AVL9: variants seen among roughly 807,000 people sequenced by gnomAD.
AVL9 encodes the protein AVL9 cell migration associated.
Under a neutral mutation model 79.2 loss-of-function variants are expected in AVL9, and 49 were observed. The ratio of observed to expected loss-of-function variants is 0.62; its 90% CI spans 0.49 to 0.79. The LOEUF (loss-of-function observed/expected upper bound fraction) is 0.79, where lower values mean the gene tolerates loss of function less well. AVL9 is among the 30% of genes least tolerant of loss of function. The pLI, the probability that AVL9 is intolerant of heterozygous loss-of-function variation, is 0.00. For missense variants in AVL9, 682 were observed against 776.8 expected, an observed-to-expected ratio of 0.88 and a Z score of 1.45; for synonymous variants, 299 against 280.6, an observed-to-expected ratio of 1.07 and a Z score of -0.65.
At chr7:32,571,770 G>T (rs1790855522) in intron 11 of AVL9, among the ~76,000 whole-genome samples, 1 of 151,986 alleles carries the variant, frequency 6.6e-6, no homozygotes, top group African/African-American at 2.4e-5. Flanking sequence ...TCTGTAGTTG[G>T]TTGGTGGGTG....
intron 1 of AVL9, among the ~76,000 whole-genome samples, chr7:32,529,313 C>G (rs1289864300): frequency 6.6e-6 from 1 of 152,154 alleles, no homozygotes; most frequent in African/African-American, 2.4e-5. Flanking sequence ...AGAGGGGACC[C>G]CCCTATCACG....
intron 10 of AVL9, among the ~76,000 whole-genome samples, chr7:32,564,970 G>A (rs942903779): frequency 4.6e-5 from 7 of 152,174 alleles, no homozygotes; most frequent in African/African-American, 1.7e-4. Flanking sequence ...AAAAGATAAC[G>A]AGGAAGATAC....
rs1789147777 is a variant in AVL9, at chr7:32,540,824, A to G, written c.94-2317A>G. Among the ~76,000 whole-genome samples the G allele has an allele frequency of 2.0e-5, 3 of 148,294 alleles. No homozygotes were observed. The Admixed American group carries it at 2.1e-4, about 10-fold the overall frequency. On this transcript the variant is annotated intron_variant, in intron 1 of 15. Coordinates refer to ENST00000318709, the MANE Select transcript of AVL9 (RefSeq NM_015060.3). Reference sequence around the variant, plus strand: ...AGATGGGTAAAAATTATATTAATTCAAATTGCATTTCCATGATTAAAAATG... The same window carrying G: ...AGATGGGTAAAAATTATATTAATTCGAATTGCATTTCCATGATTAAAAATG...
intron 1 of AVL9, among the ~76,000 whole-genome samples, chr7:32,518,033 G>T (rs1787984813): frequency 6.6e-6 from 1 of 151,694 alleles, no homozygotes; most frequent in East Asian, 1.9e-4. Context: ...GTTTCACCAT[G>T]TTGGCCAGGC....
intron 1 of AVL9, among the ~76,000 whole-genome samples, chr7:32,496,349 T>C (rs1410480372): frequency 6.6e-6 from 1 of 152,214 alleles, no homozygotes; most frequent in African/African-American, 2.4e-5. Flanking sequence ...TCGATTGACT[T>C]TGCCTCCCCC....
Position 32,585,127 on chromosome 7 carries a change from AGTCT to A in AVL9, c.*1221_*1224del, listed in dbSNP as rs1791716990. 6.6e-6 allele frequency: 1 copy of A among 152,116 alleles called. No individual in the cohort carries two copies. Among genetic ancestry groups the A allele is most frequent in the African/African-American group, 2.4e-5 (1 of 41,428 alleles). The allele number at this position is 152,116 out of a possible 1,614,324, so 9.4% of individuals were successfully genotyped here. A position where few individuals can be genotyped will look rare whatever the true frequency, so the allele number is the denominator to read the frequency against. ...TTTGCAGACCTACAGCTTTTCTCGT[AGTCT>A]TATTCATAAAGCTTTTCAAAGCACT... is the stretch of plus-strand genomic sequence containing the variant. On this transcript the variant is annotated 3_prime_UTR_variant, in exon 16 of 16. Transcript: ENST00000318709.
chr7:32,498,595 T>TTA (rs919426046), intron 1 of AVL9, among the ~76,000 whole-genome samples: 8 of 151,940 alleles, frequency 5.3e-5, no homozygotes, highest in Admixed American at 2.0e-4. Flanking sequence ...TCTATTAACT[T>TTA]TATCACTTGA....
chr7:32,582,743 T>A (rs930950947), intron 15 of AVL9, among the ~76,000 whole-genome samples: 1 of 152,040 alleles, frequency 6.6e-6, no homozygotes, highest in African/African-American at 2.4e-5. Flanking sequence ...TGAAGTGCAA[T>A]ATGGTGCGAT....
At chr7:32,580,169 C>A in intron 13 of AVL9, 50 bp from the exon 14 acceptor site, 1 of 1,421,366 alleles carries the variant, frequency 7.0e-7, no homozygotes, top group Non-Finnish European at 9.9e-7. Context: ...ACTCTTTTTG[C>A]AGCCTTTTTG....
rs1472375855 is a variant in AVL9, at chr7:32,511,000, G to A, written c.93+15198G>A. 2.5e-3 allele frequency among the ~76,000 whole-genome samples: 197 copies of A among 80,382 alleles called. 1 individual carries two copies. The highest frequency in any genetic ancestry group is 0.011 in the Middle Eastern group (1 of 88). 52.7% of individuals were successfully genotyped at this position (80,382 alleles called of 152,430 possible). On this transcript the variant is annotated intron_variant, in intron 1 of 15. Coordinates refer to ENST00000318709, the MANE Select transcript of AVL9 (RefSeq NM_015060.3). ...AATCCTGGCACTTCTGAACTGCCCC[G>A]GTATGAGGGAAACCATCTCCCCAGG...
chr7:32,581,966 C>T (rs1791529539), intron 15 of AVL9, among the ~76,000 whole-genome samples: 1 of 152,176 alleles, frequency 6.6e-6, no homozygotes, highest in African/African-American at 2.4e-5. Context: ...TAAGGTAATA[C>T]TCCCCAACTC....
At chr7:32,546,110 T>C (rs1789491557) in intron 3 of AVL9, among the ~76,000 whole-genome samples, 1 of 148,214 alleles carries the variant, frequency 6.7e-6, no homozygotes, top group Non-Finnish European at 1.5e-5. Context: ...CTTTTCCTCC[T>C]AGTGACTGAA....
intron 10 of AVL9, among the ~76,000 whole-genome samples, chr7:32,568,619 C>G (rs1416588953): frequency 2.0e-5 from 3 of 152,058 alleles, no homozygotes; most frequent in African/African-American, 4.8e-5. Context: ...TTTGGTATTG[C>G]ATTTATTTTC....
intron 1 of AVL9, among the ~76,000 whole-genome samples, chr7:32,523,257 G>A (rs12540473): frequency 0.01 from 1,548 of 147,896 alleles, 16 homozygotes; most frequent in East Asian, 0.03. Flanking sequence ...CCCCAGATTG[G>A]AAGATTAAGG....
Position 32,559,443 on chromosome 7 carries a change from G to T in AVL9, c.1194G>T (p.Met398Ile). ...GTTTGGAAGAGGATCAGTATGGCAT[G>T]CCCCTGGCCATCTTCACAAAGGTAA... ...ISGLEEDQYG[M>I]PLAIFTKGYL... Residue 398 changes from methionine (M) to isoleucine (I), a missense_variant, in exon 10 of 16, where the codon ATG becomes ATT. Physicochemically the swap from Met to Ile is conservative, Grantham distance 10 (BLOSUM62 1). Coordinates refer to ENST00000318709, the MANE Select transcript of AVL9 (RefSeq NM_015060.3). 6.5e-7 allele frequency: 1 copy of T among 1,549,242 alleles called. No individual in the cohort carries two copies. The highest frequency in any genetic ancestry group is 8.7e-7 in the Non-Finnish European group (1 of 1,150,932).
Position 32,586,595 on chromosome 7 carries a change from T to C in AVL9, c.*2688T>C, listed in dbSNP as rs1442745930. The C allele has an allele frequency of 1.3e-5, 2 of 152,240 alleles. No individual in the cohort carries two copies. Among genetic ancestry groups the C allele is most frequent in the Admixed American group, 6.6e-5 (1 of 15,262 alleles). 9.4% of individuals were successfully genotyped at this position (152,240 alleles called of 1,614,324 possible). A position where few individuals can be genotyped will look rare whatever the true frequency, so the allele number is the denominator to read the frequency against. ...ACCAGCACTAGGTCATCTTCTGACA[T>C]AGCCCTGGTGAAGGTGTGTGTGTGT... On this transcript the variant is annotated 3_prime_UTR_variant, in exon 16 of 16. Transcript: ENST00000318709.
intron 1 of AVL9, among the ~76,000 whole-genome samples, chr7:32,503,557 A>AG (rs1298085543): frequency 1.0e-4 from 8 of 77,174 alleles, no homozygotes; most frequent in Admixed American, 4.9e-4. Flanking sequence ...CTCCGTCTCA[A>AG]GGGAAAAAAA....
chr7:32,548,943 T>G, intron 4 of AVL9, 25 bp downstream of exon 4: 1 of 1,497,832 alleles, frequency 6.7e-7, no homozygotes, highest in Non-Finnish European at 9.0e-7. Context: ...AACTTGTTCA[T>G]TATGTTAAAC....
chr7:32,516,537 C>T (rs1229023349), intron 1 of AVL9, among the ~76,000 whole-genome samples: 2 of 152,134 alleles, frequency 1.3e-5, no homozygotes, highest in East Asian at 1.9e-4. Context: ...GTGGGAGTGT[C>T]TAGTGGGTTG....
Sources: allele counts gnomAD v4.1 joint callset (sites outside exome capture counted in the v4.1 genomes callset), GRCh38; gene constraint gnomAD v4.1.1; transcripts MANE v1.5; gene names NCBI Gene and HGNC (gene_info 2026-07-23, HGNC 2026-07-21).